IQANK1: variants seen among roughly 807,000 people sequenced by gnomAD.
IQANK1 encodes IQ motif and ankyrin repeat domain-containing protein 1.
IQANK1 carries 30 observed loss-of-function variants against 22.6 expected under a neutral mutation model. That is an observed-to-expected ratio of 1.33 (90% confidence interval 0.99 to 1.80). The LOEUF (loss-of-function observed/expected upper bound fraction) is 1.80, where lower values mean the gene tolerates loss of function less well. IQANK1 is among the 40% of genes most tolerant of loss of function. The pLI is 0.00. For missense variants in IQANK1, 275 were observed against 235.2 expected (o/e 1.17, Z -1.11); for synonymous variants, 122 against 99.6 (o/e 1.23, Z -1.34).
chr8:143,772,729 G>C (rs967269117), intron 7 of IQANK1, among the ~76,000 whole-genome samples: 5 of 152,212 alleles, frequency 3.3e-5, no homozygotes, highest in African/African-American at 1.2e-4. Context: ...TTAAAACCTC[G>C]TCAGTCTGCA....
chr8:143,750,156 G>A (rs1390992733), intron 3 of IQANK1, among the ~76,000 whole-genome samples: 14 of 151,598 alleles, frequency 9.2e-5, no homozygotes, highest in East Asian at 5.8e-4. Flanking sequence ...GCGCCACCAC[G>A]CCCAGCTAAT....
chr8:143,771,406 GCGGGGC>G lies in IQANK1; in HGVS notation c.176-78_176-73del. On this transcript the variant is annotated intron_variant, in intron 3 of 13. Transcript: ENST00000527139. This position sits in a 1 kb window ranked among gnomAD's most constrained non-coding sequence, Gnocchi z 6.0. ...TCCTTCTGTCGGGGCGGGGGCGGGG[GCGGGGC>G]CGGCTCCACTCCCAGGGGCGCAGCA... 2.7e-6 allele frequency: 1 copy of G among 370,254 alleles called. No homozygotes were observed. The highest frequency in any genetic ancestry group is 4.7e-6 in the Non-Finnish European group (1 of 211,112). 22.9% of individuals were successfully genotyped at this position (370,254 alleles called of 1,614,324 possible). A position where few individuals can be genotyped will look rare whatever the true frequency, so the allele number is the denominator to read the frequency against.
chr8:143,767,972 C>T (rs183306185), intron 3 of IQANK1, among the ~76,000 whole-genome samples: 2 of 146,732 alleles, frequency 1.4e-5, no homozygotes, highest in African/African-American at 5.0e-5. Context: ...CAAGCTCCTC[C>T]TCCCGGGTTC....
chr8:143,737,447 G>T (rs910333179), intron 2 of IQANK1, among the ~76,000 whole-genome samples: 3 of 152,232 alleles, frequency 2.0e-5, no homozygotes, highest in Non-Finnish European at 4.4e-5. Context: ...GCCAGCCTGG[G>T]CAGGCTTGCT....
intron 3 of IQANK1, among the ~76,000 whole-genome samples, chr8:143,749,325 AAT>A (rs1306042376): frequency 1.8e-5 from 1 of 54,134 alleles, no homozygotes; most frequent in Non-Finnish European, 3.1e-5. Flanking sequence ...TATATATAAA[AAT>A]ATATAAAATA....
At position 143,758,061 on chromosome 8, in the gene IQANK1, T is replaced by C. The variant is rs562098594; in HGVS notation, c.176-13427T>C. On this transcript the variant is annotated intron_variant, in intron 3 of 13. Coordinates refer to ENST00000527139, the MANE Select transcript of IQANK1 (RefSeq NM_001381874.1). This position sits in a 1 kb window ranked among gnomAD's most constrained non-coding sequence, Gnocchi z 4.2. ...TGGATTAGATTACCTCAGAGAGTGG[T>C]AGCACTGACCCAGCAGTGAGACAAG... 2.6e-5 allele frequency: 4 copies of C among 152,340 alleles called. No individual in the cohort carries two copies. In the East Asian group the frequency reaches 7.7e-4, roughly 29 times the overall value. The allele number at this position is 152,340 out of a possible 1,614,324, so 9.4% of individuals were successfully genotyped here. A position where few individuals can be genotyped will look rare whatever the true frequency, so the allele number is the denominator to read the frequency against.
In IQANK1 at chr8:143,789,208, C is replaced by T. The variant is rs1819961358; in HGVS notation, c.958C>T (p.Gln320Ter). Residue 320 changes from glutamine to a stop codon, truncating the protein, a stop_gained, in exon 9 of 14, where the codon CAG becomes TAG. Coordinates refer to ENST00000527139, the MANE Select transcript of IQANK1 (RefSeq NM_001381874.1). LOFTEE classifies it high-confidence loss of function. The stretch of plus-strand genomic sequence containing the variant: ...CCTTAGTATGACCCTCAAGGTCCAA[C>T]AGCTGACCAGGGAGCAGCAGCAGTG... The part of the protein sequence containing the change: ...RCGSMTLKVQ[Q>*]LTREQQQCHK... 2 of 399,428 alleles carry T rather than the reference C, an allele frequency of 5.0e-6. No individual in the cohort carries two copies. The highest frequency in any genetic ancestry group is 4.4e-6 in the Non-Finnish European group (1 of 226,436). The allele number at this position is 399,428 out of a possible 1,614,324, so 24.7% of individuals were successfully genotyped here. A position where few individuals can be genotyped will look rare whatever the true frequency, so the allele number is the denominator to read the frequency against.
At chr8:143,746,293 T>C (rs749762594) in intron 3 of IQANK1, 1 of 152,222 alleles carries the variant, frequency 6.6e-6, no homozygotes, top group Non-Finnish European at 1.5e-5. Flanking sequence ...TGCTGTTAGT[T>C]TTTCATAAAT....
chr8:143,757,901 C>T (rs1587480884), intron 3 of IQANK1, among the ~76,000 whole-genome samples: 1 of 152,170 alleles, frequency 6.6e-6, no homozygotes, highest in African/African-American at 2.4e-5. Context: ...ATTTTCATGG[C>T]TTGCATGAAA....
At chr8:143,788,031 C>T (rs542199332) in intron 7 of IQANK1, among the ~76,000 whole-genome samples, 8 of 152,286 alleles carry the variant, frequency 5.3e-5, no homozygotes, top group African/African-American at 7.2e-5. Context: ...GGCCTAATTC[C>T]GAGTATGAGA....
chr8:143,789,639 A>G (rs1277842080), intron 10 of IQANK1, 111 bp downstream of exon 10: 22 of 1,214,446 alleles, frequency 1.8e-5, no homozygotes, highest in Non-Finnish European at 2.3e-5. Flanking sequence ...CCTCTCAAAC[A>G]TGGGGAGTCA....
At chr8:143,757,261 G>A (rs1337910551) in intron 3 of IQANK1, among the ~76,000 whole-genome samples, 6 of 152,112 alleles carry the variant, frequency 3.9e-5, no homozygotes, top group African/African-American at 1.4e-4. Flanking sequence ...CTCCAGGGTC[G>A]CCTTTGAAAA....
chr8:143,760,451 G>C (rs1819373340), intron 3 of IQANK1: 1 of 151,636 alleles, frequency 6.6e-6, no homozygotes, highest in Non-Finnish European at 1.5e-5. Context: ...TGAGGCAGGT[G>C]GATCACTGGA....
At chr8:143,759,269 G>T (rs61749036) in intron 3 of IQANK1, 8,886 of 173,984 alleles carry the variant, frequency 0.051, 485 homozygotes, top group African/African-American at 0.14. Context: ...CGCAAACATA[G>T]CCTGGTTCAT....
intron 2 of IQANK1, among the ~76,000 whole-genome samples, chr8:143,737,685 G>A (rs964506770): frequency 5.3e-5 from 8 of 152,168 alleles, no homozygotes; most frequent in Non-Finnish European, 1.0e-4. Flanking sequence ...CCCTCACTCC[G>A]GAGCTGCTCC....
At chr8:143,760,511 A>AC (rs1491151813) in intron 3 of IQANK1, 4 of 47,262 alleles carry the variant, frequency 8.5e-5, no homozygotes, top group Non-Finnish European at 2.1e-4. Context: ...TTTCATCTCT[A>AC]CAAAAAAAAA....
chr8:143,736,637 G>A (rs1489291095), intron 2 of IQANK1, among the ~76,000 whole-genome samples: 2 of 152,130 alleles, frequency 1.3e-5, no homozygotes, highest in Non-Finnish European at 2.9e-5. Flanking sequence ...TGTGTTCTCT[G>A]ACTCTCTGCT....
chr8:143,742,327 C>G (rs917776966), intron 3 of IQANK1: 2 of 449,964 alleles, frequency 4.4e-6, no homozygotes, highest in African/African-American at 4.0e-5. Flanking sequence ...TGCTGCTGCC[C>G]GCCAGGATCT....
intron 3 of IQANK1, among the ~76,000 whole-genome samples, chr8:143,749,432 CAT>C (rs199736012): frequency 0.058 from 7,363 of 127,504 alleles, 417 homozygotes; most frequent in African/African-American, 0.15. Flanking sequence ...ACATATATCT[CAT>C]ATATAATTAT....
Sources: gnomAD v4.1 joint callset for allele counts (sites outside exome capture counted in the v4.1 genomes callset) on GRCh38, gnomAD v4.1.1 for gene constraint, Gnocchi (gnomAD v3.1) non-coding constraint, MANE v1.5 for transcripts, NCBI Gene and HGNC (gene_info 2026-07-23, HGNC 2026-07-21) for gene names.